WASF3: variants seen among roughly 807,000 people sequenced by gnomAD.
WASF3 encodes actin-binding protein WASF3.
A neutral mutation model predicts 46.6 loss-of-function variants in WASF3; 11 were observed. The ratio of observed to expected loss-of-function variants is 0.24; its 90% CI spans 0.15 to 0.39. WASF3 has a LOEUF of 0.39. WASF3 is among the 10% of genes least tolerant of loss of function. The pLI, the probability that WASF3 is intolerant of heterozygous loss-of-function variation, is 1.00. For missense variants in WASF3, 576 were observed against 669.8 expected (o/e 0.86, Z 1.55); for synonymous variants, 242 against 259.7 (o/e 0.93, Z 0.65).
intron 1 of WASF3, among the ~76,000 whole-genome samples, chr13:26,585,389 C>G (rs1373536326): frequency 1.3e-5 from 2 of 151,664 alleles, no homozygotes; most frequent in Non-Finnish European, 3.0e-5. Context: ...TACACACTTG[C>G]TTTGAGAAAA....
chr13:26,594,681 C>G (rs1050472583), intron 1 of WASF3, among the ~76,000 whole-genome samples: 10 of 152,200 alleles, frequency 6.6e-5, no homozygotes, highest in African/African-American at 2.4e-4. Context: ...TTCCTTCCAA[C>G]TCTCCCGGTT....
chr13:26,657,608 A>G (rs1328798847), intron 3 of WASF3, among the ~76,000 whole-genome samples: 2 of 152,192 alleles, frequency 1.3e-5, no homozygotes, highest in Non-Finnish European at 2.9e-5. Flanking sequence ...ATTTATCTCA[A>G]CCTGATGTAT....
the WASF3 span, among the ~76,000 whole-genome samples, chr13:26,539,213 T>C: frequency 6.6e-6 from 1 of 152,038 alleles, no homozygotes. Context: ...GGAGGACAAA[T>C]GCAGAATTTG....
intron 9 of WASF3, among the ~76,000 whole-genome samples, chr13:26,684,174 C>G (rs1487683366): frequency 6.6e-6 from 1 of 152,152 alleles, no homozygotes; most frequent in African/African-American, 2.4e-5. Flanking sequence ...ACCTGGACAT[C>G]ATTGACACAC....
At chr13:26,633,986 T>G (rs1284139549) in intron 2 of WASF3, among the ~76,000 whole-genome samples, 5 of 152,138 alleles carry the variant, frequency 3.3e-5, no homozygotes, top group African/African-American at 1.2e-4. Context: ...GGTGGAGAGT[T>G]CTGTAGATGT....
chr13:26,554,570 G>A (rs576688581), upstream of WASF3, among the ~76,000 whole-genome samples: 3 of 152,244 alleles, frequency 2.0e-5, no homozygotes, highest in East Asian at 3.9e-4. Context: ...TTTAAGAAAC[G>A]AAACTTTCTT....
At chr13:26,558,606 C>CCT (rs1017191587) in intron 1 of WASF3, among the ~76,000 whole-genome samples, 1 of 152,150 alleles carries the variant, frequency 6.6e-6, no homozygotes, top group Admixed American at 6.5e-5. Flanking sequence ...TGATTTGGCC[C>CCT]CTCTGCAAGG....
At chr13:26,597,513 G>T (rs1395940926) in intron 1 of WASF3, among the ~76,000 whole-genome samples, 1 of 151,918 alleles carries the variant, frequency 6.6e-6, no homozygotes, top group Non-Finnish European at 1.5e-5. Flanking sequence ...TTAAGTTTTA[G>T]GGTACATGTG....
In WASF3 at chr13:26,642,362, A is replaced by G. The variant is rs375670514; in HGVS notation, c.92A>G (p.Asn31Ser). The G allele has an allele frequency of 1.4e-5, 23 of 1,611,276 alleles. No homozygotes were observed. Among genetic ancestry groups the G allele is most frequent in the Non-Finnish European group, 1.8e-5 (21 of 1,179,002 alleles). ...ACCAGCGAACTTGAATGTGTAACCAATAGTACTCTTGCCGCTATCATACGC... is the reference window on the plus strand; with the variant it reads ...ACCAGCGAACTTGAATGTGTAACCAGTAGTACTCTTGCCGCTATCATACGC... ...GITSELECVT[N>S]STLAAIIRQL... The change falls in exon 3 of 10, where the codon AAT (asparagine) becomes AGT (serine). Residue 31 changes from asparagine (N) to serine (S), a missense_variant. Transcript: ENST00000335327.
At chr13:26,635,505 A>G (rs1204411068) in intron 2 of WASF3, among the ~76,000 whole-genome samples, 2 of 152,216 alleles carry the variant, frequency 1.3e-5, no homozygotes, top group Non-Finnish European at 2.9e-5. Context: ...CGTCAAAGTC[A>G]TTCTCCGTCC....
intron 2 of WASF3, among the ~76,000 whole-genome samples, chr13:26,621,805 T>C (rs1043924045): frequency 2.0e-5 from 3 of 152,114 alleles, no homozygotes; most frequent in Non-Finnish European, 4.4e-5. Flanking sequence ...GCCCTTCCTT[T>C]GGCGGTGGGA....
At chr13:26,578,090 A>G (rs1879855429) in intron 1 of WASF3, among the ~76,000 whole-genome samples, 1 of 152,148 alleles carries the variant, frequency 6.6e-6, no homozygotes, top group Non-Finnish European at 1.5e-5. Flanking sequence ...CTCTTTTCCA[A>G]TCTAGATACT....
the WASF3 span, among the ~76,000 whole-genome samples, chr13:26,543,483 T>C: frequency 1.3e-5 from 2 of 152,306 alleles, no homozygotes; most frequent in South Asian, 4.1e-4. Flanking sequence ...ACTAGTATTG[T>C]ACTGGGGATG....
At chr13:26,626,307 G>T (rs1287374210) in intron 2 of WASF3, 2 of 152,304 alleles carry the variant, frequency 1.3e-5, no homozygotes, top group Admixed American at 6.5e-5. Context: ...GTGATGCGAT[G>T]TCATCTGGGG....
At chr13:26,659,011 T>C (rs897128190) in intron 3 of WASF3, among the ~76,000 whole-genome samples, 19 of 152,202 alleles carry the variant, frequency 1.2e-4, no homozygotes, top group Admixed American at 1.3e-4. Flanking sequence ...GATCATATGT[T>C]CTAGTGGTGG....
At chr13:26,559,303 TC>T (rs1013502355) in intron 1 of WASF3, among the ~76,000 whole-genome samples, 1 of 152,368 alleles carries the variant, frequency 6.6e-6, no homozygotes, top group Non-Finnish European at 1.5e-5. Context: ...ATATTTACCT[TC>T]CAACCTGTGC....
At chr13:26,547,868 G>A in the WASF3 span, among the ~76,000 whole-genome samples, 1 of 152,176 alleles carries the variant, frequency 6.6e-6, no homozygotes, top group East Asian at 1.9e-4. Flanking sequence ...ACAGAAACCA[G>A]TGAGAACATT....
intron 2 of WASF3, among the ~76,000 whole-genome samples, chr13:26,625,520 G>A (rs2137249845): frequency 6.6e-6 from 1 of 152,160 alleles, no homozygotes; most frequent in Non-Finnish European, 1.5e-5. Flanking sequence ...AGGAGAAGAT[G>A]GATGTCCCAA....
rs1467261938 is a variant in WASF3 at position 26,682,719 on chromosome 13, C to G, written c.1096C>G (p.Pro366Ala). 3.0e-5 allele frequency: 49 copies of G among 1,613,924 alleles called. No homozygotes were observed. The highest frequency in any genetic ancestry group is 4.0e-5 in the African/African-American group (3 of 74,926). Residue 366 changes from proline (P) to alanine (A), a missense_variant, in exon 9 of 10, where the codon CCC becomes GCC. By Grantham distance (27) the Pro-to-Ala change is conservative. Around this residue, in one of 3 missense-constraint regions of WASF3, gnomAD observed 295 missense variants for 291.5 expected, o/e 1.01. Coordinates refer to ENST00000335327, the MANE Select transcript of WASF3 (RefSeq NM_006646.6). This position sits in a 1 kb window ranked among gnomAD's most constrained non-coding sequence, Gnocchi z 4.4. ...QTAFVSPLQMPMQPPFPASAS... is the reference protein window; with the variant it reads ...QTAFVSPLQMAMQPPFPASAS... ...TGCCTTCGTCAGCCCTCTCCAGATG[C>G]CCATGCAGCCCCCGTTCCCTGCATC...
Sources: gnomAD v4.1 joint callset for allele counts (sites outside exome capture counted in the v4.1 genomes callset) on GRCh38, gnomAD v4.1.1 for gene constraint, gnomAD v4.1.1 regional missense constraint, Gnocchi (gnomAD v3.1) non-coding constraint, MANE v1.5 for transcripts, NCBI Gene and HGNC (gene_info 2026-07-23, HGNC 2026-07-21) for gene names.